SPDYE21: variants seen among roughly 807,000 people sequenced by gnomAD.
SPDYE21 encodes speedy/RINGO cell cycle regulator family member E21, also known as speedy protein E21.
SPDYE21 carries 14 observed loss-of-function variants against 36.2 expected under a neutral mutation model. The ratio of observed to expected loss-of-function variants is 0.39; its 90% CI spans 0.26 to 0.61. The LOEUF is 0.61. SPDYE21 is among the 20% of genes least tolerant of loss of function. The pLI is 0.55. For missense variants in SPDYE21, 233 were observed against 424.6 expected, an observed-to-expected ratio of 0.55 and a Z score of 3.97; for synonymous variants, 58 against 155.1, an observed-to-expected ratio of 0.37 and a Z score of 4.65.
At chr7:67,281,135 G>A (rs776316271) in intron 3 of SPDYE21, among the ~76,000 whole-genome samples, 18,780 of 117,720 alleles carry the variant, frequency 0.16, 306 homozygotes, top group Middle Eastern at 0.18. Flanking sequence ...GGGACTCAGA[G>A]AGCCAGGGAC....
At chr7:67,277,633 A>G (rs1802562657) in intron 1 of SPDYE21, among the ~76,000 whole-genome samples, 1 of 151,808 alleles carries the variant, frequency 6.6e-6, no homozygotes, top group Admixed American at 6.6e-5. Flanking sequence ...CATGTTGCCT[A>G]TACTGGTCTT....
In SPDYE21 at chr7:67,287,527, C is replaced by T. The variant is rs571604646; in HGVS notation, c.*55C>T. Among the ~76,000 whole-genome samples, 1 of 152,048 alleles carries T rather than the reference C, an allele frequency of 6.6e-6. No homozygotes were observed. The highest frequency in any genetic ancestry group is 2.1e-4 in the South Asian group (1 of 4,814). On this transcript the variant is annotated 3_prime_UTR_variant, in exon 9 of 9. Coordinates refer to ENST00000424157, the MANE Select transcript of SPDYE21 (RefSeq NM_001382715.2). ...TCTCTCTCACTTCCAGAACACCGGA[C>T]CCAGGGGAGATGTGGATTTTCAGCA...
chr7:67,278,789 C>T lies in SPDYE21; in HGVS notation c.76C>T (p.Pro26Ser), dbSNP rs1367677840. Among the ~76,000 whole-genome samples the T allele has an allele frequency of 6.6e-6, 1 of 151,908 alleles. No homozygotes were observed. Among genetic ancestry groups the T allele is most frequent in the Non-Finnish European group, 1.5e-5 (1 of 68,002 alleles). ...GKITTSRQLH[P>S]QNEQSPQRST... ...GATCACGACCAGCCGTCAACTGCAC[C>T]CCCAGAATGAGCAGAGTCCCCAGCG... The change falls in exon 2 of 9, where the codon CCC (proline) becomes TCC (serine). Residue 26 changes from proline (P) to serine (S), a missense_variant. Coordinates refer to ENST00000424157, the MANE Select transcript of SPDYE21 (RefSeq NM_001382715.2).
At chr7:67,284,855 GC>G (rs781649258) in intron 6 of SPDYE21, among the ~76,000 whole-genome samples, 101 of 151,726 alleles carry the variant, frequency 6.7e-4, no homozygotes, top group East Asian at 3.5e-3. Context: ...CTCTATCGAG[GC>G]CAGGGTCCAC....
chr7:67,288,819 A>G lies in SPDYE21; in HGVS notation c.*1347A>G, dbSNP rs936662440. ...AATAAATTTTTATTTGATATTTCAT[A>G]TATATTTGAAATGTGAGAATTCAGA... is the stretch of plus-strand genomic sequence containing the variant. On this transcript the variant is annotated 3_prime_UTR_variant, in exon 9 of 9. Coordinates refer to ENST00000424157, the MANE Select transcript of SPDYE21 (RefSeq NM_001382715.2). Among the ~76,000 whole-genome samples the G allele has an allele frequency of 6.7e-5, 10 of 150,018 alleles. No homozygotes were observed. The highest frequency in any genetic ancestry group is 2.5e-4 in the African/African-American group (10 of 40,714).
At chr7:67,282,568 G>A (rs574587328) in intron 4 of SPDYE21, 67 bp from the exon 5 acceptor site, 17 of 1,595,612 alleles carry the variant, frequency 1.1e-5, no homozygotes, top group Admixed American at 5.0e-5. Flanking sequence ...CACACTTCTC[G>A]CTGCCCTGCT....
Position 67,286,094 on chromosome 7 carries a change from T to C in SPDYE21, c.806T>C (p.Ile269Thr). Reference protein sequence around the residue: ...EEDDEDSKQNIFHFLYGKTRS... With the variant: ...EEDDEDSKQNTFHFLYGKTRS... ...GACGACGAGGACTCCAAACAAAACATCTTCCACTTCCTGTATGGGAAGACC... is the reference window on the plus strand; with the variant it reads ...GACGACGAGGACTCCAAACAAAACACCTTCCACTTCCTGTATGGGAAGACC... The change falls in exon 7 of 9, where the codon ATC becomes ACC. Residue 269 changes from isoleucine (I) to threonine (T), a missense_variant. Around this residue, in one of 4 missense-constraint regions of SPDYE21, gnomAD observed 139 missense variants for 175.8 expected, o/e 0.79. Coordinates refer to ENST00000424157, the MANE Select transcript of SPDYE21 (RefSeq NM_001382715.2). 6.2e-7 allele frequency: 1 copy of C among 1,613,860 alleles called. No homozygotes were observed. The highest frequency in any genetic ancestry group is 8.5e-7 in the Non-Finnish European group (1 of 1,180,026).
rs1802580075 is a variant in SPDYE21, at chr7:67,278,678, A to G, written c.-36A>G. ...TCCTAGGCTTGAGAATTGATAACAT[A>G]CTCTTCTGGATCCTAGCAGTGTCCA... is the stretch of plus-strand genomic sequence containing the variant. On this transcript the variant is annotated 5_prime_UTR_variant, in exon 2 of 9. In the 5' UTR this introduces an upstream ATG that the reference lacks. Transcript: ENST00000424157. Among the ~76,000 whole-genome samples the G allele has an allele frequency of 6.9e-6, 1 of 144,522 alleles. No homozygotes were observed. The highest frequency in any genetic ancestry group is 2.6e-5 in the African/African-American group (1 of 38,824). 94.8% of individuals were successfully genotyped at this position (144,522 alleles called of 152,430 possible).
chr7:67,287,739 C>T lies in SPDYE21; in HGVS notation c.*267C>T, dbSNP rs545202245. 6.6e-6 allele frequency among the ~76,000 whole-genome samples: 1 copy of T among 150,900 alleles called. No individual in the cohort carries two copies. The highest frequency in any genetic ancestry group is 1.5e-5 in the Non-Finnish European group (1 of 67,722). On this transcript the variant is annotated 3_prime_UTR_variant, in exon 9 of 9. Coordinates refer to ENST00000424157, the MANE Select transcript of SPDYE21 (RefSeq NM_001382715.2). ...GGAGTCCTTGGAGAAAAGTAAGAAA[C>T]CAGGAGTGTTTCCAGTTCCACCCTT...
intron 1 of SPDYE21, among the ~76,000 whole-genome samples, chr7:67,277,899 T>C (rs3873757): frequency 3.6e-5 from 5 of 139,680 alleles, no homozygotes; most frequent in African/African-American, 8.1e-5. Context: ...TTCCCTGAAA[T>C]TGGGGACACC....
At position 67,286,282 on chromosome 7, in the gene SPDYE21, C is replaced by A; in HGVS notation, c.994C>A (p.Pro332Thr). 6.3e-7 allele frequency: 1 copy of A among 1,592,570 alleles called. No homozygotes were observed. Among genetic ancestry groups the A allele is most frequent in the Admixed American group, 1.7e-5 (1 of 59,084 alleles). The change falls in exon 7 of 9, where the codon CCC becomes ACC. Residue 332 changes from proline to threonine, a missense_variant. Physicochemically the swap from Pro to Thr is conservative, Grantham distance 38 (BLOSUM62 -1). Transcript: ENST00000424157. ...PRARKYRSRI[P>T]LVRKRRFQLR... ...GGCCAGGAAGTACCGCTCTCGCATACCCTTGGTCCGTAAGCGTCGGTTCCA... is the reference window on the plus strand; with the variant it reads ...GGCCAGGAAGTACCGCTCTCGCATAACCTTGGTCCGTAAGCGTCGGTTCCA...
At chr7:67,277,307 C>T (rs1802556822) in intron 1 of SPDYE21, among the ~76,000 whole-genome samples, 2 of 151,602 alleles carry the variant, frequency 1.3e-5, no homozygotes, top group African/African-American at 4.8e-5. Flanking sequence ...GATCCACCCA[C>T]TTTGGCCTCC....
intron 8 of SPDYE21, among the ~76,000 whole-genome samples, 78 bp downstream of exon 8, chr7:67,286,742 C>T (rs3980878): frequency 2.0e-5 from 3 of 151,922 alleles, no homozygotes; most frequent in East Asian, 3.9e-4. Context: ...TTGCTTGATC[C>T]GGCTTCAAGC....
chr7:67,287,016 G>C (rs1181260785), intron 8 of SPDYE21, among the ~76,000 whole-genome samples: 1 of 152,126 alleles, frequency 6.6e-6, no homozygotes, highest in South Asian at 2.1e-4. Context: ...GATTTGGGTC[G>C]AGGGTTCAGT....
intron 3 of SPDYE21, among the ~76,000 whole-genome samples, chr7:67,280,589 G>A (rs1435342459): frequency 6.8e-6 from 1 of 147,134 alleles, no homozygotes; most frequent in Non-Finnish European, 1.5e-5. Context: ...CTACTCGGGA[G>A]GCTGAGACAG....
rs1802727620 is a variant in SPDYE21, at chr7:67,286,137, G to C, written c.849G>C (p.Leu283Phe). The change falls in exon 7 of 9, where the codon TTG becomes TTC. Residue 283 changes from leucine to phenylalanine, a missense_variant. Physicochemically the swap from Leu to Phe is conservative, Grantham distance 22. Coordinates refer to ENST00000424157, the MANE Select transcript of SPDYE21 (RefSeq NM_001382715.2). Reference sequence around the variant, plus strand: ...GGAAGACCCGCTCTCGCATACCCTTGCTCCGTAAGCGTTGGTTCCAGTTAG... The same window carrying C: ...GGAAGACCCGCTCTCGCATACCCTTCCTCCGTAAGCGTTGGTTCCAGTTAG... ...LYGKTRSRIP[L>F]LRKRWFQLGR... is the part of the protein sequence containing the mutation. The C allele has an allele frequency of 1.2e-6, 2 of 1,611,618 alleles. No homozygotes were observed. Among genetic ancestry groups the C allele is most frequent in the Non-Finnish European group, 1.7e-6 (2 of 1,179,100 alleles).
Position 67,286,169 on chromosome 7 carries a change from C to T in SPDYE21, c.881C>T (p.Ser294Phe), listed in dbSNP as rs576578784. ...LRKRWFQLGR[S>F]MNPRARKNRS... is the part of the protein sequence containing the mutation. ...AAGCGTTGGTTCCAGTTAGGCCGTTCCATGAACCCGAGGGCCAGGAAGAAC... is the reference window on the plus strand; with the variant it reads ...AAGCGTTGGTTCCAGTTAGGCCGTTTCATGAACCCGAGGGCCAGGAAGAAC... The change falls in exon 7 of 9, where the codon TCC becomes TTC. Residue 294 changes from serine to phenylalanine, a missense_variant. Physicochemically the swap from Ser to Phe is radical, Grantham distance 155 (BLOSUM62 -2). Coordinates refer to ENST00000424157, the MANE Select transcript of SPDYE21 (RefSeq NM_001382715.2). The T allele has an allele frequency of 4.5e-3, 7,313 of 1,611,812 alleles. 228 individuals carry two copies. The African/African-American group carries it at 0.084, about 19-fold the overall frequency.
intron 5 of SPDYE21, among the ~76,000 whole-genome samples, chr7:67,283,655 G>C (rs1287388320): frequency 6.6e-6 from 1 of 152,014 alleles, no homozygotes; most frequent in Non-Finnish European, 1.5e-5. Context: ...AGCCGACCCA[G>C]ACACACCCCC....
At chr7:67,277,657 C>G (rs1802563028) in intron 1 of SPDYE21, among the ~76,000 whole-genome samples, 2 of 151,844 alleles carry the variant, frequency 1.3e-5, no homozygotes, top group African/African-American at 4.8e-5. Flanking sequence ...CTGCTGGCCT[C>G]AGGCAATCTT....
Sources: allele counts gnomAD v4.1 joint callset (sites outside exome capture counted in the v4.1 genomes callset), GRCh38; gene constraint gnomAD v4.1.1; regional missense constraint gnomAD v4.1.1; transcripts MANE v1.5; gene names NCBI Gene and HGNC (gene_info 2026-07-23, HGNC 2026-07-21).